The following EXOC6B variants were observed in gnomAD, a reference collection of about 807,000 sequenced individuals.
EXOC6B encodes the protein SEC15 homolog B.
A neutral mutation model predicts 113.5 loss-of-function variants in EXOC6B; 54 were observed. The observed-to-expected ratio is 0.48, with a 90% CI of 0.38 to 0.60. The LOEUF (loss-of-function observed/expected upper bound fraction) is 0.60. Ranked by LOEUF, EXOC6B falls within the 20% of genes least tolerant of loss-of-function variation. The probability of loss-of-function intolerance (pLI) is 0.00; values close to 1 mark genes in which losing one functional copy is unlikely to be tolerated. For synonymous variants in EXOC6B, 357 were observed against 339.0 expected (o/e 1.05, Z -0.58); for missense variants, 797 against 977.5 (o/e 0.82, Z 2.46).
intron 6 of EXOC6B, among the ~76,000 whole-genome samples, chr2:72,682,652 T>A (rs1165015208): frequency 6.6e-6 from 1 of 152,148 alleles, no homozygotes; most frequent in Non-Finnish European, 1.5e-5. Flanking sequence ...TTTTAAAAGA[T>A]ATAAGTTGCC....
At chr2:72,808,688 T>G (rs558106520) in intron 1 of EXOC6B, among the ~76,000 whole-genome samples, 1 of 151,974 alleles carries the variant, frequency 6.6e-6, no homozygotes, top group East Asian at 1.9e-4. Flanking sequence ...GAAGCTAAGG[T>G]GGGAAGATCA....
chr2:72,789,498 T>C (rs1684558822), intron 1 of EXOC6B, among the ~76,000 whole-genome samples: 1 of 152,162 alleles, frequency 6.6e-6, no homozygotes, highest in Admixed American at 6.5e-5. Context: ...AATAATAGTC[T>C]CCCACTTCAT....
intron 7 of EXOC6B, among the ~76,000 whole-genome samples, chr2:72,568,910 T>C (rs917601236): frequency 6.7e-6 from 1 of 149,962 alleles, no homozygotes; most frequent in African/African-American, 2.5e-5. Flanking sequence ...TAGAAGTTTA[T>C]AACTGAGGCA....
intron 8 of EXOC6B, among the ~76,000 whole-genome samples, chr2:72,543,245 T>TA (rs1031451707): frequency 1.2e-4 from 19 of 152,224 alleles, no homozygotes; most frequent in South Asian, 1.0e-3. Context: ...ACAGACTATA[T>TA]AAAAAAACTT....
At chr2:72,420,242 T>TTTA (rs1435901862) in intron 18 of EXOC6B, among the ~76,000 whole-genome samples, 1 of 152,196 alleles carries the variant, frequency 6.6e-6, no homozygotes, top group Non-Finnish European at 1.5e-5. Context: ...GAGAATCTTT[T>TTTA]TTATTATTAT....
intron 19 of EXOC6B, among the ~76,000 whole-genome samples, chr2:72,351,925 ATTC>A (rs765689295): frequency 6.6e-6 from 1 of 152,134 alleles, no homozygotes; most frequent in Non-Finnish European, 1.5e-5. Context: ...ATTTCACCCT[ATTC>A]TTTAGTCAAA....
At chr2:72,484,583 A>AG (rs1287835136) in intron 16 of EXOC6B, among the ~76,000 whole-genome samples, 3 of 151,152 alleles carry the variant, frequency 2.0e-5, no homozygotes, top group African/African-American at 7.3e-5. Flanking sequence ...AAAAAAAAAA[A>AG]AAAAATTCCC....
At chr2:72,491,549 CT>C (rs1699746258) in intron 16 of EXOC6B, among the ~76,000 whole-genome samples, 1 of 152,094 alleles carries the variant, frequency 6.6e-6, no homozygotes. Flanking sequence ...TTCTAAACTC[CT>C]CTCACTTTAG....
intron 7 of EXOC6B, among the ~76,000 whole-genome samples, chr2:72,571,034 C>T (rs1386758766): frequency 2.0e-5 from 3 of 152,180 alleles, no homozygotes; most frequent in African/African-American, 7.2e-5. Context: ...CTTCTCAAAA[C>T]TAATATGTTA....
chr2:72,241,839 C>T (rs185483444), intron 20 of EXOC6B, among the ~76,000 whole-genome samples: 63 of 152,224 alleles, frequency 4.1e-4, no homozygotes, highest in Admixed American at 1.2e-3. Context: ...TGCTGGTAGA[C>T]CTGCTCGCAA....
In EXOC6B at chr2:72,575,553, C is replaced by T; in HGVS notation, c.785G>A (p.Ser262Asn). Residue 262 changes from serine (S) to asparagine (N), a missense_variant, in exon 7 of 22, where the codon AGT (serine) becomes AAT (asparagine). Coordinates refer to ENST00000272427, the MANE Select transcript of EXOC6B (RefSeq NM_015189.3). ...IIFDTEIEST[S>N]PKSEQDSGIL... ...TCCTGAATCCTGTTCAGACTTCGGACTAGTACTTTCTATCTCTGTATCAAA... is the reference window on the plus strand; with the variant it reads ...TCCTGAATCCTGTTCAGACTTCGGATTAGTACTTTCTATCTCTGTATCAAA... The T allele has an allele frequency of 6.2e-7, 1 of 1,611,756 alleles. No individual in the cohort carries two copies. Among genetic ancestry groups the T allele is most frequent in the Non-Finnish European group, 8.5e-7 (1 of 1,179,110 alleles).
chr2:72,717,676 T>C (rs1679712357), intron 6 of EXOC6B, among the ~76,000 whole-genome samples: 1 of 152,162 alleles, frequency 6.6e-6, no homozygotes, highest in African/African-American at 2.4e-5. Context: ...TTTTCACTGA[T>C]ACCTATTAAT....
chr2:72,392,552 C>T (rs1314617539), intron 18 of EXOC6B, among the ~76,000 whole-genome samples: 3 of 152,168 alleles, frequency 2.0e-5, no homozygotes, highest in Admixed American at 6.5e-5. Context: ...CATCAATATC[C>T]GGATCAGCTC....
intron 6 of EXOC6B, among the ~76,000 whole-genome samples, chr2:72,679,690 C>A (rs1676552537): frequency 6.6e-6 from 1 of 152,070 alleles, no homozygotes; most frequent in African/African-American, 2.4e-5. Context: ...AGAAAATATT[C>A]TCCGAAGAAA....
intron 20 of EXOC6B, among the ~76,000 whole-genome samples, chr2:72,198,027 C>T (rs1380239658): frequency 2.0e-5 from 3 of 152,190 alleles, no homozygotes; most frequent in Non-Finnish European, 4.4e-5. Flanking sequence ...CTACATGCCT[C>T]TCACATTCCC....
chr2:72,611,912 G>T (rs755426484), intron 6 of EXOC6B, among the ~76,000 whole-genome samples: 8 of 151,896 alleles, frequency 5.3e-5, no homozygotes, highest in Non-Finnish European at 1.0e-4. Flanking sequence ...CTTATAAAAC[G>T]TACATACACA....
chr2:72,535,432 A>C (rs1041580748), intron 8 of EXOC6B, among the ~76,000 whole-genome samples: 5 of 152,222 alleles, frequency 3.3e-5, no homozygotes, highest in African/African-American at 1.2e-4. Context: ...AGAGGGGTAC[A>C]TACTCCATGC....
chr2:72,290,420 A>G (rs1377334039), intron 20 of EXOC6B, among the ~76,000 whole-genome samples: 1 of 152,230 alleles, frequency 6.6e-6, no homozygotes, highest in Non-Finnish European at 1.5e-5. Flanking sequence ...GTAAATGAAG[A>G]CCATAAGAAT....
intron 20 of EXOC6B, among the ~76,000 whole-genome samples, chr2:72,246,097 T>C (rs1454335607): frequency 2.6e-5 from 4 of 152,168 alleles, no homozygotes; most frequent in African/African-American, 9.7e-5. Flanking sequence ...CTATGTTGTC[T>C]AGGCTTGTCT....
Sources: gnomAD v4.1 joint callset for allele counts (sites outside exome capture counted in the v4.1 genomes callset) on GRCh38, gnomAD v4.1.1 for gene constraint, MANE v1.5 for transcripts, NCBI Gene and HGNC (gene_info 2026-07-23, HGNC 2026-07-21) for gene names.